APPBP2: variants seen among roughly 807,000 people sequenced by gnomAD.
The protein encoded by APPBP2 is amyloid protein-binding protein 2.
Under a neutral mutation model 76.0 loss-of-function variants are expected in APPBP2, and 15 were observed. That is an observed-to-expected ratio of 0.20 (90% CI 0.13 to 0.30). The LOEUF (loss-of-function observed/expected upper bound fraction) is 0.30. APPBP2 is among the 10% of genes least tolerant of loss of function. The probability of loss-of-function intolerance (pLI) is 1.00; values close to 1 mark genes in which losing one functional copy is unlikely to be tolerated. For synonymous variants in APPBP2, 222 were observed against 242.2 expected (o/e 0.92, Z 0.77); for missense variants, 401 against 687.2 (o/e 0.58, Z 4.66).
At chr17:60,459,280 A>T in intron 9 of APPBP2, among the ~76,000 whole-genome samples, 1 of 152,130 alleles carries the variant, frequency 6.6e-6, no homozygotes, top group East Asian at 1.9e-4. Context: ...TCCCAGGAGA[A>T]CCAGCACCCC....
chr17:60,464,615 G>C (rs1598351006), intron 5 of APPBP2, among the ~76,000 whole-genome samples: 1 of 152,178 alleles, frequency 6.6e-6, no homozygotes, highest in East Asian at 1.9e-4. Flanking sequence ...AGCCCTATAA[G>C]ATACGTACTA....
At chr17:60,519,854 G>A (rs886411204) in intron 1 of APPBP2, among the ~76,000 whole-genome samples, 4 of 144,980 alleles carry the variant, frequency 2.8e-5, no homozygotes, top group African/African-American at 1.0e-4. Flanking sequence ...TGCAATGACA[G>A]CTCACTGCAA....
chr17:60,501,437 T>C (rs2090822637), intron 1 of APPBP2, among the ~76,000 whole-genome samples: 2 of 152,112 alleles, frequency 1.3e-5, no homozygotes, highest in Non-Finnish European at 2.9e-5. Context: ...GGCAATACAA[T>C]ACCCAAGAGT....
At chr17:60,478,682 G>A (rs866549111) in intron 4 of APPBP2, among the ~76,000 whole-genome samples, 2 of 152,198 alleles carry the variant, frequency 1.3e-5, no homozygotes, top group Admixed American at 6.5e-5. Flanking sequence ...AGCACTTTGG[G>A]AGGCCAAGGC....
In APPBP2 at chr17:60,447,258, T is replaced by G; in HGVS notation, c.*323A>C. ...TCTTTTAAACTCTTAAATAGTTTTA[T>G]TTAGGGGTATTTTTTTTCTTTCAGG... On this transcript the variant is annotated 3_prime_UTR_variant, in exon 13 of 13. Transcript: ENST00000083182. 4.6e-6 allele frequency: 1 copy of G among 217,120 alleles called. No individual in the cohort carries two copies. Among genetic ancestry groups the G allele is most frequent in the Non-Finnish European group, 9.1e-6 (1 of 109,854 alleles). 13.4% of individuals were successfully genotyped at this position (217,120 alleles called of 1,614,324 possible).
rs1425031386 is a variant in APPBP2, at chr17:60,518,346, CGTGTGTGCGTGCGTGTGT to C, written c.138+7430_138+7447del. Among the ~76,000 whole-genome samples, 338 of 128,366 alleles carry C rather than the reference CGTGTGTGCGTGCGTGTGT, an allele frequency of 2.6e-3. 30 individuals are homozygous for C. Among genetic ancestry groups the C allele is most frequent in the African/African-American group, 0.013 (321 of 25,212 alleles). The allele number at this position is 128,366 out of a possible 152,430, so 84.2% of individuals were successfully genotyped here. On this transcript the variant is annotated intron_variant, in intron 1 of 12. Coordinates refer to ENST00000083182, the MANE Select transcript of APPBP2 (RefSeq NM_006380.5). Reference sequence around the variant, plus strand: ...ACAGGCATGAGCTACCATGCCCAGCCGTGTGTGCGTGCGTGTGTGTGTGTGTGTGTGTGTGTGTGTGTG... The same window carrying C: ...ACAGGCATGAGCTACCATGCCCAGCCGTGTGTGTGTGTGTGTGTGTGTGTG...
intron 2 of APPBP2, among the ~76,000 whole-genome samples, chr17:60,499,580 T>A (rs1271212986): frequency 2.0e-5 from 3 of 152,062 alleles, no homozygotes; most frequent in Admixed American, 6.6e-5. Context: ...CCAAAATAAC[T>A]GAAGGCAGGG....
intron 11 of APPBP2, among the ~76,000 whole-genome samples, chr17:60,452,786 T>C (rs2090404822): frequency 6.6e-6 from 1 of 152,000 alleles, no homozygotes; most frequent in Admixed American, 6.6e-5. Context: ...ATACAAAAAT[T>C]AGGCAGTGTG....
chr17:60,506,613 ACAGT>A (rs1870476715), intron 1 of APPBP2, among the ~76,000 whole-genome samples: 1 of 152,190 alleles, frequency 6.6e-6, no homozygotes, highest in African/African-American at 2.4e-5. Context: ...ATTCACTTAA[ACAGT>A]CATTTGTTAA....
Position 60,526,229 on chromosome 17 carries a change from G to A in APPBP2, c.-298C>T. ...TCCCAGCGCTGATCTCTGCAGGGGC[G>A]GGGCTGCGTGTGCGGCGTCATGACG... On this transcript the variant is annotated 5_prime_UTR_variant, in exon 1 of 13. Coordinates refer to ENST00000083182, the MANE Select transcript of APPBP2 (RefSeq NM_006380.5). 1 of 318,382 alleles carries A rather than the reference G, an allele frequency of 3.1e-6. No homozygotes were observed. 19.7% of individuals were successfully genotyped at this position (318,382 alleles called of 1,614,324 possible).
intron 9 of APPBP2, among the ~76,000 whole-genome samples, chr17:60,457,063 A>G (rs1231131815): frequency 6.6e-6 from 1 of 150,934 alleles, no homozygotes; most frequent in Non-Finnish European, 1.5e-5. Context: ...TGAACCTGGG[A>G]GGTGGAGGTT....
chr17:60,496,377 C>T (rs2090775723), intron 2 of APPBP2: 1 of 152,156 alleles, frequency 6.6e-6, no homozygotes, highest in Non-Finnish European at 1.5e-5. Context: ...GGTCAAATTA[C>T]ATGCTTTTAG....
intron 9 of APPBP2, among the ~76,000 whole-genome samples, chr17:60,456,834 C>T (rs190799262): frequency 2.0e-5 from 3 of 152,226 alleles, no homozygotes; most frequent in Admixed American, 2.0e-4. Flanking sequence ...ACATAAAAGG[C>T]CCTAAAAAAA....
chr17:60,459,018 G>A (rs566998207), intron 9 of APPBP2, among the ~76,000 whole-genome samples: 4 of 151,920 alleles, frequency 2.6e-5, no homozygotes, highest in South Asian at 2.1e-4. Flanking sequence ...TGATCTGCCC[G>A]CTTCGGCCTC....
intron 3 of APPBP2, among the ~76,000 whole-genome samples, 163 bp downstream of exon 3, chr17:60,494,297 ACTATTT>A (rs2090755291): frequency 6.6e-6 from 1 of 152,250 alleles, no homozygotes; most frequent in South Asian, 2.1e-4. Flanking sequence ...TTAGAAAGAT[ACTATTT>A]AAATGTATAG....
chr17:60,457,006 T>C (rs1363181276), intron 9 of APPBP2, among the ~76,000 whole-genome samples: 1 of 151,634 alleles, frequency 6.6e-6, no homozygotes, highest in Non-Finnish European at 1.5e-5. Context: ...GGTGTGGTGG[T>C]GAACGCCTGT....
At chr17:60,466,228 G>T in intron 5 of APPBP2, 63 bp downstream of exon 5, 1 of 1,449,706 alleles carries the variant, frequency 6.9e-7, no homozygotes, top group Non-Finnish European at 9.5e-7. Flanking sequence ...AAGACTATTT[G>T]ATTTACCCTC....
chr17:60,448,614 G>A (rs2090368270), intron 12 of APPBP2, among the ~76,000 whole-genome samples: 1 of 152,226 alleles, frequency 6.6e-6, no homozygotes, highest in Admixed American at 6.5e-5. Context: ...ATATTATGTA[G>A]CTGCAAACTG....
chr17:60,460,907 A>C, intron 8 of APPBP2, 120 bp from the exon 9 acceptor site: 1 of 973,742 alleles, frequency 1.0e-6, no homozygotes, highest in African/African-American at 1.6e-5. Context: ...TGAAGCCCAG[A>C]AAGTCCTGCT....
Sources: allele counts gnomAD v4.1 joint callset (sites outside exome capture counted in the v4.1 genomes callset), GRCh38; gene constraint gnomAD v4.1.1; transcripts MANE v1.5; gene names NCBI Gene and HGNC (gene_info 2026-07-23, HGNC 2026-07-21).